GPM6B: variants seen among roughly 807,000 people sequenced by gnomAD.
The protein encoded by GPM6B is neuronal membrane glycoprotein M6-b.
GPM6B carries 4 observed loss-of-function variants against 27.2 expected under a neutral mutation model. The ratio of observed to expected loss-of-function variants is 0.15; its 90% CI spans 0.07 to 0.34. The LOEUF is 0.34. GPM6B is among the 10% of genes least tolerant of loss of function. The probability of loss-of-function intolerance (pLI) is 1.00; values close to 1 mark genes in which losing one functional copy is unlikely to be tolerated. For missense variants in GPM6B, 183 were observed against 261.9 expected, an observed-to-expected ratio of 0.70 and a Z score of 2.08; for synonymous variants, 124 against 103.1, an observed-to-expected ratio of 1.20 and a Z score of -1.23.
chrX:13,902,286 G>A (rs1187139069), intron 1 of GPM6B, among the ~76,000 whole-genome samples: 6 of 110,626 alleles, frequency 5.4e-5, no homozygotes, highest in Non-Finnish European at 7.6e-5. Flanking sequence ...GTTTACCCTC[G>A]CTCAATTTGT....
chrX:13,819,081 G>A (rs2049279713), upstream of GPM6B, among the ~76,000 whole-genome samples: 1 of 112,198 alleles, frequency 8.9e-6, no homozygotes, highest in South Asian at 3.7e-4. Context: ...AACAACTCTA[G>A]TTCTATATCG....
chrX:13,826,321 G>C (rs1462281406), intron 1 of GPM6B, among the ~76,000 whole-genome samples: 1 of 110,815 alleles, frequency 9.0e-6, no homozygotes, highest in African/African-American at 3.3e-5. Flanking sequence ...ATCCTGAGGG[G>C]AATGGGCCCC....
chrX:13,807,931 C>A (rs765638315), intron 1 of GPM6B, among the ~76,000 whole-genome samples, 162 bp from the exon 2 acceptor site: 15 of 112,267 alleles, frequency 1.3e-4, no homozygotes, highest in African/African-American at 4.2e-4. Flanking sequence ...TGAGAATGTC[C>A]TCCGTTTCTA....
At chrX:13,936,208 G>C (rs759183951) in intron 1 of GPM6B, among the ~76,000 whole-genome samples, 1 of 111,945 alleles carries the variant, frequency 8.9e-6, no homozygotes, top group South Asian at 3.7e-4. Flanking sequence ...ACATCTTAAG[G>C]CTATAAAAAA....
intron 1 of GPM6B, among the ~76,000 whole-genome samples, chrX:13,932,537 T>C (rs1344602217): frequency 8.0e-5 from 9 of 112,311 alleles, no homozygotes; most frequent in Non-Finnish European, 1.3e-4. Flanking sequence ...TTGGCTCATC[T>C]GAACAGGACT....
intron 2 of GPM6B, among the ~76,000 whole-genome samples, chrX:13,807,362 T>C (rs1359368812): frequency 8.9e-6 from 1 of 111,751 alleles, no homozygotes; most frequent in Non-Finnish European, 1.9e-5. Context: ...ACCAAAGGCA[T>C]ATCTCACTGT....
chrX:13,909,869 C>T (rs2050363072), intron 1 of GPM6B, among the ~76,000 whole-genome samples: 1 of 111,642 alleles, frequency 9.0e-6, no homozygotes, highest in Non-Finnish European at 1.9e-5. Context: ...TTGAGCTAAG[C>T]TTTCTGTATC....
intron 1 of GPM6B, among the ~76,000 whole-genome samples, chrX:13,934,412 G>A (rs1180292844): frequency 8.9e-6 from 1 of 111,946 alleles, no homozygotes; most frequent in Non-Finnish European, 1.9e-5. Flanking sequence ...GGTCTTCAGC[G>A]TGCTTCTTTC....
intron 1 of GPM6B, among the ~76,000 whole-genome samples, chrX:13,930,530 C>T (rs1011601421): frequency 7.2e-5 from 8 of 110,923 alleles, no homozygotes; most frequent in East Asian, 2.8e-4. Context: ...AGAAGAATGG[C>T]GTGAGCCCGG....
chrX:13,878,544 A>G (rs1603106812), intron 1 of GPM6B, among the ~76,000 whole-genome samples: 1 of 112,088 alleles, frequency 8.9e-6, no homozygotes, highest in East Asian at 2.8e-4. Flanking sequence ...GAGAGCCTTC[A>G]ATAATTTTTT....
chrX:13,910,589 C>T (rs1427932677), intron 1 of GPM6B, among the ~76,000 whole-genome samples: 1 of 113,070 alleles, frequency 8.8e-6, no homozygotes, highest in Non-Finnish European at 1.9e-5. Context: ...TGATTTACTT[C>T]GTCCTACAAT....
At chrX:13,930,177 T>C (rs1204004700) in intron 1 of GPM6B, among the ~76,000 whole-genome samples, 1 of 112,461 alleles carries the variant, frequency 8.9e-6, no homozygotes, top group Non-Finnish European at 1.9e-5. Flanking sequence ...TTTTGATTAC[T>C]AGAAAATGTA....
Position 13,771,402 on chromosome X carries a change from AT to A in GPM6B, c.*1478del, listed in dbSNP as rs1197935577. 1.8e-5 allele frequency: 2 copies of A among 108,571 alleles called. No homozygotes were observed. The highest frequency in any genetic ancestry group is 3.8e-5 in the Non-Finnish European group (2 of 52,207). 8.9% of individuals were successfully genotyped at this position (108,571 alleles called of 1,213,427 possible). A position where few individuals can be genotyped will look rare whatever the true frequency, so the allele number is the denominator to read the frequency against. ...TCTCTTAATTTAAAAAAAAAAAAAA[AT>A]CCCAAATAGGCATTTTTAGGCATTA... On this transcript the variant is annotated 3_prime_UTR_variant, in exon 8 of 8. Transcript: ENST00000316715.
chrX:13,789,054 T>C (rs1242343879), intron 2 of GPM6B, among the ~76,000 whole-genome samples: 2 of 111,872 alleles, frequency 1.8e-5, no homozygotes, highest in African/African-American at 6.5e-5. Flanking sequence ...CTGGCACAGA[T>C]AAAACTCTTA....
chrX:13,875,922 A>G (rs1033933616), intron 1 of GPM6B, among the ~76,000 whole-genome samples: 6 of 112,039 alleles, frequency 5.4e-5, no homozygotes, highest in East Asian at 2.8e-4. Flanking sequence ...GGATGACAAA[A>G]ATGTCCTAGA....
In GPM6B at chrX:13,772,044, A is replaced by G. The variant is rs1367168964; in HGVS notation, c.*837T>C. 1 of 112,457 alleles carries G rather than the reference A, an allele frequency of 8.9e-6. No individual in the cohort carries two copies. Among genetic ancestry groups the G allele is most frequent in the East Asian group, 2.8e-4 (1 of 3,621 alleles). 9.3% of individuals were successfully genotyped at this position (112,457 alleles called of 1,213,427 possible). A position where few individuals can be genotyped will look rare whatever the true frequency, so the allele number is the denominator to read the frequency against. On this transcript the variant is annotated 3_prime_UTR_variant, in exon 8 of 8. Coordinates refer to ENST00000316715, the MANE Select transcript of GPM6B (RefSeq NM_001001995.3). ...TAATAATTAAGAAAAACATTTATGG[A>G]ACAAAATTCTGTGAAAGATATTTGG...
intron 1 of GPM6B, among the ~76,000 whole-genome samples, chrX:13,824,424 G>A (rs1461009990): frequency 8.9e-6 from 1 of 112,139 alleles, no homozygotes; most frequent in Non-Finnish European, 1.9e-5. Flanking sequence ...TTTGACAGAT[G>A]GGGTTGTGTG....
At chrX:13,801,180 C>A (rs997464173) in intron 2 of GPM6B, among the ~76,000 whole-genome samples, 1 of 111,507 alleles carries the variant, frequency 9.0e-6, no homozygotes, top group Non-Finnish European at 1.9e-5. Flanking sequence ...ATCCACTTAA[C>A]GGGACTTGGT....
intron 1 of GPM6B, among the ~76,000 whole-genome samples, chrX:13,871,114 C>CAAAAA (rs372420351): frequency 4.2e-5 from 4 of 95,126 alleles, no homozygotes; most frequent in Non-Finnish European, 4.2e-5. Context: ...CAAAACAAAA[C>CAAAAA]AAAAAAAAAA....
Sources: gnomAD v4.1 joint callset for allele counts (sites outside exome capture counted in the v4.1 genomes callset) on GRCh38, gnomAD v4.1.1 for gene constraint, MANE v1.5 for transcripts, NCBI Gene and HGNC (gene_info 2026-07-23, HGNC 2026-07-21) for gene names.